NOS1: variants seen among roughly 807,000 people sequenced by gnomAD.
NOS1 encodes NOS type I.
NOS1 carries 51 observed loss-of-function variants against 164.5 expected under a neutral mutation model. The observed-to-expected ratio is 0.31, with a 90% CI of 0.25 to 0.39. The LOEUF (loss-of-function observed/expected upper bound fraction) is 0.39, where lower values mean the gene tolerates loss of function less well. Ranked by LOEUF, NOS1 falls within the 10% of genes least tolerant of loss-of-function variation. The probability of loss-of-function intolerance (pLI) is 1.00; values close to 1 mark genes in which losing one functional copy is unlikely to be tolerated. For missense variants in NOS1, 1,362 were observed against 1,885.6 expected (o/e 0.72, Z 5.14); for synonymous variants, 719 against 745.8 (o/e 0.96, Z 0.59).
chr12:117,269,740 A>G (rs1156876131), intron 10 of NOS1, among the ~76,000 whole-genome samples: 1 of 152,162 alleles, frequency 6.6e-6, no homozygotes, highest in Non-Finnish European at 1.5e-5. Flanking sequence ...TGCTGGGATT[A>G]CAGGCGTGAG....
intron 3 of NOS1, among the ~76,000 whole-genome samples, chr12:117,309,944 G>A (rs1874348439): frequency 6.6e-6 from 1 of 152,186 alleles, no homozygotes; most frequent in Non-Finnish European, 1.5e-5. Context: ...TGTTGCCCAG[G>A]CTAGAGTGCA....
rs1169420951 is a variant in NOS1 at position 117,277,880 on chromosome 12, CA to C, written c.1664+78del. 35 of 1,485,716 alleles carry C rather than the reference CA, an allele frequency of 2.4e-5. No individual in the cohort carries two copies. In the South Asian group the frequency reaches 2.6e-4, roughly 11 times the overall value. The allele number at this position is 1,485,716 out of a possible 1,614,324, so 92.0% of individuals were successfully genotyped here. ...CTTCGGTCTGGACTAGAAAGAAAGCCAGGGGGGATGGGGCTGGGCAAAGAGG... is the reference window on the plus strand; with the variant it reads ...CTTCGGTCTGGACTAGAAAGAAAGCCGGGGGGATGGGGCTGGGCAAAGAGG... On this transcript the variant is annotated intron_variant, in intron 9 of 28. Transcript: ENST00000317775.
chr12:117,340,616 G>A (rs1336309327), intron 1 of NOS1, among the ~76,000 whole-genome samples: 1 of 152,162 alleles, frequency 6.6e-6, no homozygotes, highest in Non-Finnish European at 1.5e-5. Context: ...TGCAACCTCT[G>A]CCTCCCAGGT....
rs1870389389 is a variant in NOS1 at position 117,243,735 on chromosome 12, T to TCCATCCATCCATCCATCCAC, written c.2824-320_2824-301dup. On this transcript the variant is annotated intron_variant, in intron 18 of 28. Transcript: ENST00000317775. The surrounding 1 kb of genome is among the most constrained non-coding windows in gnomAD (Gnocchi z 4.3). ...ACCCTCCCATCCATGTATCTATCTTTCCATCCATCCATCCATCCACCCATC... is the reference window on the plus strand; with the variant it reads ...ACCCTCCCATCCATGTATCTATCTTTCCATCCATCCATCCATCCACCCATCCATCCATCCATCCACCCATC... Among the ~76,000 whole-genome samples, 1 of 151,522 alleles carries TCCATCCATCCATCCATCCAC rather than the reference T, an allele frequency of 6.6e-6. No homozygotes were observed. Among genetic ancestry groups the TCCATCCATCCATCCATCCAC allele is most frequent in the South Asian group, 2.1e-4 (1 of 4,782 alleles).
chr12:117,339,819 C>G (rs982183511), intron 1 of NOS1, among the ~76,000 whole-genome samples: 2 of 152,138 alleles, frequency 1.3e-5, no homozygotes, highest in African/African-American at 4.8e-5. Flanking sequence ...TAAGTCCATC[C>G]TACAGCTTCA....
At chr12:117,215,508 C>A (rs1429962091) in intron 28 of NOS1, among the ~76,000 whole-genome samples, 184 bp from the exon 29 acceptor site, 1 of 151,790 alleles carries the variant, frequency 6.6e-6, no homozygotes, top group Non-Finnish European at 1.5e-5. Context: ...ACGATCCCAG[C>A]TCACTGCAAT....
rs748322402 is a variant in NOS1, at chr12:117,215,302, G to T, written c.*7C>A. The T allele has an allele frequency of 3.2e-6, 5 of 1,556,354 alleles. No individual in the cohort carries two copies. The highest frequency in any genetic ancestry group is 2.7e-5 in the African/African-American group (2 of 72,794). ...AAACTTGCAGCCGGCTGGGCAAGAG[G>T]GTCCAGTTAGGAGCTGAAAACCCTG... On this transcript the variant is annotated 3_prime_UTR_variant, in exon 29 of 29. Transcript: ENST00000317775.
chr12:117,352,203 A>ACATACATG lies in NOS1; in HGVS notation c.-421+9308_-421+9309insCATGTATG, dbSNP rs1555262875. Among the ~76,000 whole-genome samples the ACATACATG allele has an allele frequency of 8.4e-4, 126 of 150,800 alleles. No individual in the cohort carries two copies. The East Asian group carries it at 0.015, about 18-fold the overall frequency. ...TACATACATACATACATACATACAT[A>ACATACATG]CATACATACATGCATACATAATACA... is the stretch of plus-strand genomic sequence containing the variant. On this transcript the variant is annotated intron_variant, in intron 1 of 28. Coordinates refer to ENST00000317775, the MANE Select transcript of NOS1 (RefSeq NM_000620.5).
intron 16 of NOS1, chr12:117,256,187 C>T: frequency 2.3e-6 from 1 of 425,726 alleles, no homozygotes; most frequent in Non-Finnish European, 4.2e-6. Context: ...CGAGGGCTGA[C>T]CACAAAGGAC....
chr12:117,326,245 G>C (rs368013918), intron 2 of NOS1, among the ~76,000 whole-genome samples: 16 of 152,206 alleles, frequency 1.1e-4, no homozygotes, highest in Middle Eastern at 3.4e-3. Flanking sequence ...AATTAGCCAG[G>C]CGTGGTGGCA....
At chr12:117,259,217 G>A (rs1002589144) in intron 14 of NOS1, 87 bp from the exon 15 acceptor site, 1 of 861,592 alleles carries the variant, frequency 1.2e-6, no homozygotes, top group Non-Finnish European at 1.9e-6. Flanking sequence ...AAAGTGATGG[G>A]GGAAGGGCAA....
intron 3 of NOS1, among the ~76,000 whole-genome samples, chr12:117,291,466 A>C (rs1200453107): frequency 2.6e-5 from 4 of 150,976 alleles, no homozygotes; most frequent in Non-Finnish European, 5.9e-5. Context: ...AGGGGGGATA[A>C]ATCTCAGGCT....
chr12:117,345,762 A>C (rs1403522822), intron 1 of NOS1, among the ~76,000 whole-genome samples: 1 of 152,196 alleles, frequency 6.6e-6, no homozygotes, highest in African/African-American at 2.4e-5. Context: ...TGGGAGGTTA[A>C]GGCAGGAGGA....
intron 20 of NOS1, among the ~76,000 whole-genome samples, chr12:117,236,343 AC>A (rs1256392458): frequency 6.6e-6 from 1 of 152,152 alleles, no homozygotes; most frequent in Non-Finnish European, 1.5e-5. Context: ...TCAACCGAGA[AC>A]CTTTTGTGCT....
At chr12:117,334,901 G>A (rs567588701) in intron 1 of NOS1, among the ~76,000 whole-genome samples, 2 of 152,282 alleles carry the variant, frequency 1.3e-5, no homozygotes, top group South Asian at 2.1e-4. Flanking sequence ...ATGAGGCTCC[G>A]TAGGGAGAGC....
intron 2 of NOS1, among the ~76,000 whole-genome samples, chr12:117,319,391 C>T (rs1033581027): frequency 3.9e-5 from 6 of 152,314 alleles, no homozygotes; most frequent in East Asian, 1.9e-4. Flanking sequence ...CCATGAATGC[C>T]GCAGCTGGGA....
At chr12:117,337,686 G>A (rs1417512752) in intron 1 of NOS1, among the ~76,000 whole-genome samples, 1 of 152,118 alleles carries the variant, frequency 6.6e-6, no homozygotes, top group Non-Finnish European at 1.5e-5. Flanking sequence ...TAGGCATGGT[G>A]GGGGTAGCAT....
intron 17 of NOS1, among the ~76,000 whole-genome samples, chr12:117,247,819 G>A (rs568532905): frequency 1.3e-5 from 2 of 151,868 alleles, no homozygotes; most frequent in Admixed American, 6.6e-5. Context: ...GGTGGCAGGC[G>A]CCTGTAGTCC....
chr12:117,268,790 G>A (rs1277301149), intron 10 of NOS1, among the ~76,000 whole-genome samples: 1 of 148,688 alleles, frequency 6.7e-6, no homozygotes. Flanking sequence ...GTAGAGAGGG[G>A]GTTTCACCGT....
Sources: gnomAD v4.1 joint callset for allele counts (sites outside exome capture counted in the v4.1 genomes callset) on GRCh38, gnomAD v4.1.1 for gene constraint, Gnocchi (gnomAD v3.1) non-coding constraint, MANE v1.5 for transcripts, NCBI Gene and HGNC (gene_info 2026-07-23, HGNC 2026-07-21) for gene names.